ADARB2: variants seen among roughly 807,000 people sequenced by gnomAD.
The protein encoded by ADARB2 is inactive double-stranded RNA-specific editase B2.
In ADARB2, 25 loss-of-function variants were observed where a neutral mutation model predicts 62.2. The observed-to-expected ratio is 0.40, with a 90% CI of 0.29 to 0.56. The LOEUF is 0.56. Among genes scored for constraint, ADARB2 ranks in the 20% least tolerant of loss-of-function variants. The pLI is 0.43. For synonymous variants in ADARB2, 572 were observed against 500.8 expected, an observed-to-expected ratio of 1.14 and a Z score of -1.90; for missense variants, 1,071 against 1,077.4, an observed-to-expected ratio of 0.99 and a Z score of 0.08.
intron 3 of ADARB2, among the ~76,000 whole-genome samples, chr10:1,278,433 A>G (rs67366402): frequency 2.7e-4 from 41 of 149,190 alleles, no homozygotes; most frequent in Non-Finnish European, 5.3e-4. Context: ...CTCCCTCCCC[A>G]CCAGTATTCC....
At chr10:1,660,853 C>G (rs7922037) in intron 1 of ADARB2, among the ~76,000 whole-genome samples, 3 of 152,024 alleles carry the variant, frequency 2.0e-5, no homozygotes, top group Admixed American at 6.5e-5. Flanking sequence ...CTTGGACAAA[C>G]GCCACCATTT....
chr10:1,320,065 A>G (rs1256146839), intron 3 of ADARB2, among the ~76,000 whole-genome samples: 1 of 151,448 alleles, frequency 6.6e-6, no homozygotes, highest in South Asian at 2.1e-4. Flanking sequence ...ACCTCTTACT[A>G]CTCCCTTCCC....
intron 1 of ADARB2, among the ~76,000 whole-genome samples, chr10:1,526,412 C>A (rs1229959449): frequency 6.6e-6 from 1 of 151,822 alleles, no homozygotes; most frequent in East Asian, 1.9e-4. Context: ...AACGTGATCC[C>A]CAGTGTTGGA....
At chr10:1,270,633 G>A (rs918715122) in intron 4 of ADARB2, among the ~76,000 whole-genome samples, 1 of 152,082 alleles carries the variant, frequency 6.6e-6, no homozygotes, top group African/African-American at 2.4e-5. Context: ...GAGAGCGTTC[G>A]GGGTGGGTTA....
Position 1,704,481 on chromosome 10 carries a change from C to A in ADARB2, c.100+32570G>T, listed in dbSNP as rs1013257042. 2.6e-5 allele frequency among the ~76,000 whole-genome samples: 4 copies of A among 152,108 alleles called. No homozygotes were observed. Among genetic ancestry groups the A allele is most frequent in the Non-Finnish European group, 5.9e-5 (4 of 68,036 alleles). ...TCCCCACTCCTATAGGAATCTAATG[C>A]CACTGTGACCTGACAGAAGGCAGAG... On this transcript the variant is annotated intron_variant, in intron 1 of 9. Coordinates refer to ENST00000381312, the MANE Select transcript of ADARB2 (RefSeq NM_018702.4). The surrounding 1 kb of genome is among the most constrained non-coding windows in gnomAD (Gnocchi z 5.6).
intron 4 of ADARB2, among the ~76,000 whole-genome samples, chr10:1,262,830 A>G (rs1831155185): frequency 6.6e-6 from 1 of 152,198 alleles, no homozygotes; most frequent in African/African-American, 2.4e-5. Flanking sequence ...ACATATGCAC[A>G]CATATGTTTA....
At chr10:1,469,485 A>G (rs552184415) in intron 1 of ADARB2, among the ~76,000 whole-genome samples, 37 of 152,350 alleles carry the variant, frequency 2.4e-4, no homozygotes, top group African/African-American at 8.7e-4. Flanking sequence ...CATTCTTAAT[A>G]CCAAACTTTT....
intron 3 of ADARB2, among the ~76,000 whole-genome samples, chr10:1,339,725 C>A (rs1046033693): frequency 6.6e-6 from 1 of 152,200 alleles, no homozygotes; most frequent in African/African-American, 2.4e-5. Flanking sequence ...CTGGCCCCTG[C>A]TCTGAAGCCC....
intron 1 of ADARB2, among the ~76,000 whole-genome samples, chr10:1,455,961 A>G (rs576904204): frequency 6.6e-6 from 1 of 152,374 alleles, no homozygotes; most frequent in East Asian, 1.9e-4. Flanking sequence ...GTACTAGTTC[A>G]GAACTTGGCG....
intron 1 of ADARB2, among the ~76,000 whole-genome samples, chr10:1,396,475 C>T (rs112640259): frequency 2.4e-4 from 36 of 152,248 alleles, no homozygotes; most frequent in African/African-American, 7.7e-4. Flanking sequence ...GTGCTGTGTC[C>T]CAGGATCGAA....
intron 1 of ADARB2, among the ~76,000 whole-genome samples, chr10:1,448,059 T>C (rs185406439): frequency 6.6e-6 from 1 of 152,338 alleles, no homozygotes; most frequent in African/African-American, 2.4e-5. Context: ...TGTGTCTTTA[T>C]GGTATAGAAA....
At chr10:1,734,295 TG>T (rs1277606663) in intron 1 of ADARB2, among the ~76,000 whole-genome samples, 360 of 120,418 alleles carry the variant, frequency 3.0e-3, no homozygotes, top group Non-Finnish European at 4.6e-3. Context: ...GTGACGAAGG[TG>T]TTTTTTTTTT....
intron 7 of ADARB2, among the ~76,000 whole-genome samples, chr10:1,213,486 C>T (rs947453291): frequency 1.3e-5 from 2 of 152,090 alleles, no homozygotes; most frequent in African/African-American, 4.8e-5. Context: ...CTTGCCTGTG[C>T]CCCCACACCT....
chr10:1,689,116 C>A (rs1418420120), intron 1 of ADARB2, among the ~76,000 whole-genome samples: 1 of 152,124 alleles, frequency 6.6e-6, no homozygotes, highest in Non-Finnish European at 1.5e-5. Flanking sequence ...ATGGGCAGGG[C>A]AGCAAGAGAG....
At chr10:1,586,251 AG>A (rs1305157432) in intron 1 of ADARB2, among the ~76,000 whole-genome samples, 1 of 152,188 alleles carries the variant, frequency 6.6e-6, no homozygotes, top group Non-Finnish European at 1.5e-5. Context: ...AGCCACAAAA[AG>A]TCCAACCCAG....
chr10:1,333,742 A>C (rs1407789870), intron 3 of ADARB2, among the ~76,000 whole-genome samples: 2 of 152,196 alleles, frequency 1.3e-5, no homozygotes, highest in Non-Finnish European at 1.5e-5. Context: ...GTGAGCTACT[A>C]TCTGTGGGGC....
At chr10:1,331,447 C>T (rs926589628) in intron 3 of ADARB2, among the ~76,000 whole-genome samples, 10 of 152,168 alleles carry the variant, frequency 6.6e-5, no homozygotes, top group African/African-American at 1.9e-4. Flanking sequence ...GAAGTTCTGA[C>T]GTATGCCACA....
chr10:1,545,473 A>G (rs981427531), intron 1 of ADARB2, among the ~76,000 whole-genome samples: 1 of 152,212 alleles, frequency 6.6e-6, no homozygotes, highest in Non-Finnish European at 1.5e-5. Flanking sequence ...CCTTGTACAC[A>G]AAGTTAGAAG....
chr10:1,556,972 A>T (rs1832713885), intron 1 of ADARB2: 2 of 392,910 alleles, frequency 5.1e-6, no homozygotes, highest in Non-Finnish European at 5.3e-6. Flanking sequence ...AATCCAGACA[A>T]TTTTCACCTC....
Sources: allele counts gnomAD v4.1 joint callset (sites outside exome capture counted in the v4.1 genomes callset), GRCh38; gene constraint gnomAD v4.1.1; non-coding constraint Gnocchi (gnomAD v3.1); transcripts MANE v1.5; gene names NCBI Gene and HGNC (gene_info 2026-07-23, HGNC 2026-07-21).